Variants in AHI1 observed in about 807,000 individuals in gnomAD.
AHI1 encodes the protein Abelson helper integration site 1.
Under a neutral mutation model 149.3 loss-of-function variants are expected in AHI1, and 123 were observed. That is an observed-to-expected ratio of 0.82 (90% CI 0.71 to 0.96). AHI1 has a LOEUF of 0.96. Ranked by LOEUF, AHI1 falls within the 40% of genes least tolerant of loss-of-function variation. AHI1 has a pLI of 0.00. For synonymous variants in AHI1, 475 were observed against 459.8 expected, an observed-to-expected ratio of 1.03 and a Z score of -0.42; for missense variants, 1,439 against 1,422.7, an observed-to-expected ratio of 1.01 and a Z score of -0.18.
chr6:135,345,916 A>G (rs1481125954), intron 24 of AHI1, among the ~76,000 whole-genome samples: 4 of 152,256 alleles, frequency 2.6e-5, no homozygotes, highest in Admixed American at 6.5e-5. Context: ...AAGAAAAAAT[A>G]CACGTAAGGA....
intron 26 of AHI1, among the ~76,000 whole-genome samples, chr6:135,305,414 ATC>A (rs1262313699): frequency 2.0e-5 from 3 of 152,242 alleles, no homozygotes; most frequent in African/African-American, 4.8e-5. Context: ...TTTTCAGCAA[ATC>A]TCTCTTGAGC....
At position 135,316,670 on chromosome 6, in the gene AHI1, C is replaced by A. The variant is rs551292334; in HGVS notation, c.3426+1849G>T. On this transcript the variant is annotated intron_variant, in intron 26 of 28. Coordinates refer to ENST00000265602, the MANE Select transcript of AHI1 (RefSeq NM_001134831.2). ...ATACTAGTGTTTAATTAGGTTCTGT[C>A]CTTGGCCTTCTCCTCTTATAGCTCT... Among the ~76,000 whole-genome samples, 558 of 151,978 alleles carry A rather than the reference C, an allele frequency of 3.7e-3. 4 individuals are homozygous for A. The highest frequency in any genetic ancestry group is 6.5e-3 in the Non-Finnish European group (441 of 67,962).
At chr6:135,449,837 T>C (rs1212282106) in intron 11 of AHI1, among the ~76,000 whole-genome samples, 1 of 152,196 alleles carries the variant, frequency 6.6e-6, no homozygotes, top group African/African-American at 2.4e-5. Flanking sequence ...AGCACAAATG[T>C]GAAAGTAAAT....
At chr6:135,377,706 C>T (rs1190624725) in intron 23 of AHI1, among the ~76,000 whole-genome samples, 2 of 152,084 alleles carry the variant, frequency 1.3e-5, no homozygotes, top group South Asian at 2.1e-4. Context: ...GTCTTGAATT[C>T]CTGGCCTCAA....
rs1034721456 is a variant in AHI1 at position 135,284,579 on chromosome 6, C to G, written c.*1066G>C. 5 of 146,128 alleles carry G rather than the reference C, an allele frequency of 3.4e-5. No homozygotes were observed. Among genetic ancestry groups the G allele is most frequent in the African/African-American group, 1.4e-4 (5 of 35,970 alleles). The allele number at this position is 146,128 out of a possible 1,614,324, so 9.1% of individuals were successfully genotyped here. ...TAATAATGACACTATTATTCTGGAA[C>G]TTAGAAAAAATAAATAATGCAATAT... On this transcript the variant is annotated 3_prime_UTR_variant, in exon 29 of 29. Coordinates refer to ENST00000265602, the MANE Select transcript of AHI1 (RefSeq NM_001134831.2).
chr6:135,424,816 A>T (rs891150657), intron 20 of AHI1, among the ~76,000 whole-genome samples: 2 of 151,898 alleles, frequency 1.3e-5, no homozygotes, highest in African/African-American at 4.8e-5. Flanking sequence ...ATTATCTGAT[A>T]ATTTTTTTTA....
At position 135,318,440 on chromosome 6, in the gene AHI1, TA is replaced by T. The variant is rs565249188; in HGVS notation, c.3426+78del. The T allele has an allele frequency of 1.3e-3, 1,236 of 955,458 alleles. 7 individuals are homozygous for T. The highest frequency in any genetic ancestry group is 0.013 in the Middle Eastern group (47 of 3,672). The allele number at this position is 955,458 out of a possible 1,614,324, so 59.2% of individuals were successfully genotyped here. ...TGTGAACAATGAAGGATAATAAGCA[TA>T]AAAAATAAAGTAATATTTTATCCAG... On this transcript the variant is annotated intron_variant, in intron 26 of 28. Transcript: ENST00000265602.
intron 10 of AHI1, among the ~76,000 whole-genome samples, chr6:135,454,677 A>G (rs576142628): frequency 6.6e-6 from 1 of 152,360 alleles, no homozygotes; most frequent in African/African-American, 2.4e-5. Flanking sequence ...TTAAAACTTA[A>G]GAAGCAACCA....
chr6:135,403,526 C>T (rs781182884), intron 22 of AHI1, among the ~76,000 whole-genome samples: 1 of 152,142 alleles, frequency 6.6e-6, no homozygotes, highest in South Asian at 2.1e-4. Flanking sequence ...CTCCATAAAG[C>T]CTTGCTCAAT....
At chr6:135,439,489 G>A (rs1785929198) in intron 14 of AHI1, among the ~76,000 whole-genome samples, 1 of 152,100 alleles carries the variant, frequency 6.6e-6, no homozygotes. Flanking sequence ...AATCATGTTG[G>A]CAATTGGCAT....
intron 5 of AHI1, among the ~76,000 whole-genome samples, chr6:135,473,821 T>C (rs1372311054): frequency 6.6e-6 from 1 of 152,196 alleles, no homozygotes; most frequent in African/African-American, 2.4e-5. Context: ...TTTTTACACA[T>C]TGACCATATA....
rs552184274 is a variant in AHI1, at chr6:135,325,138, T to G, written c.3166-1814A>C. On this transcript the variant is annotated intron_variant, in intron 24 of 28. Coordinates refer to ENST00000265602, the MANE Select transcript of AHI1 (RefSeq NM_001134831.2). ...GCCACCCGGGTTCAAGCGATTCTCCTGCCTCAGCCTCCTGAGTAGTTGGGA... is the reference window on the plus strand; with the variant it reads ...GCCACCCGGGTTCAAGCGATTCTCCGGCCTCAGCCTCCTGAGTAGTTGGGA... Among the ~76,000 whole-genome samples, 7 of 152,150 alleles carry G rather than the reference T, an allele frequency of 4.6e-5. No homozygotes were observed. The South Asian group carries it at 1.5e-3, about 32-fold the overall frequency.
At chr6:135,411,303 GGATA>G in intron 21 of AHI1, 41 bp downstream of exon 21, 1 of 1,530,136 alleles carries the variant, frequency 6.5e-7, no homozygotes, top group South Asian at 1.1e-5. Context: ...ATGTAAAACA[GGATA>G]GAAATAGTTT....
chr6:135,389,664 A>G (rs895308245), intron 23 of AHI1, among the ~76,000 whole-genome samples: 1 of 152,242 alleles, frequency 6.6e-6, no homozygotes, highest in African/African-American at 2.4e-5. Context: ...TCATATTAAT[A>G]AAATGATTCA....
chr6:135,417,450 A>C (rs1782542934), intron 20 of AHI1, among the ~76,000 whole-genome samples: 2 of 152,142 alleles, frequency 1.3e-5, no homozygotes, highest in African/African-American at 4.8e-5. Context: ...TCTAAGTATT[A>C]TAATATGCTA....
At chr6:135,477,524 T>C (rs1228104900) in intron 5 of AHI1, among the ~76,000 whole-genome samples, 3 of 152,226 alleles carry the variant, frequency 2.0e-5, no homozygotes, top group South Asian at 2.1e-4. Flanking sequence ...CATGTTGAAT[T>C]GTAATTTCCA....
intron 15 of AHI1, among the ~76,000 whole-genome samples, chr6:135,433,471 T>A (rs935093469): frequency 6.6e-6 from 1 of 152,162 alleles, no homozygotes; most frequent in Non-Finnish European, 1.5e-5. Context: ...ATAGTTATTA[T>A]CCAGCATATT....
chr6:135,301,252 G>T (rs1783846564), intron 26 of AHI1: 1 of 984,144 alleles, frequency 1.0e-6, no homozygotes, highest in Non-Finnish European at 1.2e-6. Context: ...TCACGTTATG[G>T]AAAGGATTCG....
chr6:135,335,878 C>G (rs537005567), intron 24 of AHI1, among the ~76,000 whole-genome samples: 9 of 152,012 alleles, frequency 5.9e-5, no homozygotes, highest in African/African-American at 2.2e-4. Context: ...TAATCCCAAC[C>G]TAGGTGGGTG....
Sources: gnomAD v4.1 joint callset for allele counts (sites outside exome capture counted in the v4.1 genomes callset) on GRCh38, gnomAD v4.1.1 for gene constraint, MANE v1.5 for transcripts, NCBI Gene and HGNC (gene_info 2026-07-23, HGNC 2026-07-21) for gene names.